The following VPS13D variants were observed in gnomAD, a reference collection of about 807,000 sequenced individuals.
VPS13D encodes intermembrane lipid transfer protein VPS13D.
Under a neutral mutation model 461.9 loss-of-function variants are expected in VPS13D, and 187 were observed. The ratio of observed to expected loss-of-function variants is 0.40; its 90% confidence interval spans 0.36 to 0.46. The LOEUF is 0.46. Ranked by LOEUF, VPS13D falls within the 20% of genes least tolerant of loss-of-function variation. The pLI is 0.60. For synonymous variants in VPS13D, 1,951 were observed against 1,986.3 expected (o/e 0.98, Z 0.47); for missense variants, 4,711 against 5,364.9 (o/e 0.88, Z 3.81).
intron 56 of VPS13D, among the ~76,000 whole-genome samples, chr1:12,378,805 T>C (rs1360270575): frequency 6.6e-6 from 1 of 152,222 alleles, no homozygotes; most frequent in East Asian, 1.9e-4. Context: ...TTAAGAAACT[T>C]CAAACAATAA....
intron 67 of VPS13D, among the ~76,000 whole-genome samples, chr1:12,489,474 A>G (rs561315512): frequency 9.8e-5 from 15 of 152,340 alleles, no homozygotes; most frequent in African/African-American, 2.4e-4. Flanking sequence ...TTCAATGGCA[A>G]TAGTACAACA....
intron 67 of VPS13D, among the ~76,000 whole-genome samples, chr1:12,480,243 C>T (rs1410713351): frequency 1.3e-5 from 2 of 152,216 alleles, no homozygotes; most frequent in Non-Finnish European, 2.9e-5. Context: ...CTGCCAAGAC[C>T]ATCTTCACCA....
At chr1:12,392,210 G>A (rs970373517) in intron 60 of VPS13D, among the ~76,000 whole-genome samples, 1 of 152,028 alleles carries the variant, frequency 6.6e-6, no homozygotes. Context: ...TAAGATCCTT[G>A]GCTGGGCCCG....
At position 12,308,456 on chromosome 1, in the gene VPS13D, C is replaced by T. The variant is rs141867543; in HGVS notation, c.6465C>T (p.Cys2155=). 2.5e-5 allele frequency: 40 copies of T among 1,613,964 alleles called. No individual in the cohort carries two copies. Among genetic ancestry groups the T allele is most frequent in the Middle Eastern group, 1.6e-4 (1 of 6,084 alleles). The change falls in exon 27 of 70, where the codon TGC becomes TGT. Residue 2155 remains cysteine, a synonymous_variant. Coordinates refer to ENST00000620676, the MANE Select transcript of VPS13D (RefSeq NM_015378.4). ...SPEDHVCLLD[C]VVVDLQDMDI... ...AAGACCATGTCTGCCTGCTGGATTGCGTTGTCGTGGATCTCCAGGACATGG... is the reference window on the plus strand; with the variant it reads ...AAGACCATGTCTGCCTGCTGGATTGTGTTGTCGTGGATCTCCAGGACATGG...
rs370242757 is a variant in VPS13D, at chr1:12,322,726, A to G, written c.7895A>G (p.His2632Arg). 5 of 1,614,018 alleles carry G rather than the reference A, an allele frequency of 3.1e-6. No homozygotes were observed. Among genetic ancestry groups the G allele is most frequent in the Middle Eastern group, 1.6e-4 (1 of 6,082 alleles). Reference sequence around the variant, plus strand: ...GAGGAAATCAGAGAAGGGACAAGACACACCTTAGATCCTGTCTTGGGTAGG... The same window carrying G: ...GAGGAAATCAGAGAAGGGACAAGACGCACCTTAGATCCTGTCTTGGGTAGG... ...VGEEIREGTRHTLDPVLELQL... is the reference protein window; with the variant it reads ...VGEEIREGTRRTLDPVLELQL... The change falls in exon 34 of 70, where the codon CAC (histidine) becomes CGC (arginine). Residue 2632 changes from histidine to arginine, a missense_variant. This residue lies in a region of VPS13D where 4,411 missense variants were observed against 4,937.8 expected (regional missense o/e 0.89). Coordinates refer to ENST00000620676, the MANE Select transcript of VPS13D (RefSeq NM_015378.4).
chr1:12,394,041 C>T (rs1250759152), intron 60 of VPS13D, among the ~76,000 whole-genome samples: 1 of 152,150 alleles, frequency 6.6e-6, no homozygotes, highest in Non-Finnish European at 1.5e-5. Context: ...TTTCCCTTTC[C>T]CCAGTGCACA....
intron 44 of VPS13D, 36 bp downstream of exon 44, chr1:12,346,688 G>T: frequency 6.3e-7 from 1 of 1,577,360 alleles, no homozygotes; most frequent in East Asian, 2.2e-5. Flanking sequence ...TGTGTTTATT[G>T]CGTATATACA....
chr1:12,291,506 C>G (rs1642131403), intron 23 of VPS13D, among the ~76,000 whole-genome samples: 1 of 152,140 alleles, frequency 6.6e-6, no homozygotes, highest in African/African-American at 2.4e-5. Flanking sequence ...AACTGTAGTT[C>G]TAGCTACTTG....
At chr1:12,442,113 G>C (rs1395242097) in intron 65 of VPS13D, among the ~76,000 whole-genome samples, 1 of 151,952 alleles carries the variant, frequency 6.6e-6, no homozygotes, top group Admixed American at 6.6e-5. Context: ...ATTTTAATAA[G>C]CTGTGTCCTT....
chr1:12,279,517 A>C lies in VPS13D; in HGVS notation c.4469A>C (p.Asn1490Thr), dbSNP rs750788803. Residue 1490 changes from asparagine (N) to threonine (T), a missense_variant, in exon 20 of 70, where the codon AAC becomes ACC. By Grantham distance (65) the Asn-to-Thr change is moderately conservative (BLOSUM62 0). Coordinates refer to ENST00000620676, the MANE Select transcript of VPS13D (RefSeq NM_015378.4). The surrounding 1 kb of genome is among the most constrained non-coding windows in gnomAD (Gnocchi z 4.3). The stretch of plus-strand genomic sequence containing the variant: ...ATGCCAGCTTTTCACATCCTGAACA[A>C]CACCACCATTCAGTTTAAACTGGAG... ...HRGQAFHILN[N>T]TTIQFKLEKI... is the part of the protein sequence containing the mutation. The C allele has an allele frequency of 7.5e-6, 12 of 1,601,228 alleles. No individual in the cohort carries two copies. The highest frequency in any genetic ancestry group is 1.7e-5 in the Admixed American group (1 of 59,608).
At chr1:12,330,848 G>A (rs1245879649) in intron 37 of VPS13D, among the ~76,000 whole-genome samples, 4 of 152,088 alleles carry the variant, frequency 2.6e-5, no homozygotes, top group Admixed American at 2.6e-4. Flanking sequence ...GATTACAGGC[G>A]TGAGCCACTG....
intron 1 of VPS13D, among the ~76,000 whole-genome samples, chr1:12,231,278 C>T (rs892070456): frequency 1.3e-5 from 2 of 152,240 alleles, no homozygotes; most frequent in Admixed American, 6.5e-5. Flanking sequence ...TCTGGCCAGT[C>T]TGGCGGCCCT....
chr1:12,260,705 C>T lies in VPS13D; in HGVS notation c.1123C>T (p.Arg375Trp), dbSNP rs1361960949. The stretch of plus-strand genomic sequence containing the variant: ...TTCACCCAAACAGGAGGAAATGTGT[C>T]GGATTGAAGAGGAACAGAGCTTTGA... ...LSTDDKEEMC[R>W]IEEEQSFEEL... is the part of the protein sequence containing the mutation. The change falls in exon 11 of 70, where the codon CGG becomes TGG. Residue 375 changes from arginine to tryptophan, a missense_variant. Coordinates refer to ENST00000620676, the MANE Select transcript of VPS13D (RefSeq NM_015378.4). 3.1e-6 allele frequency: 5 copies of T among 1,613,904 alleles called. No individual in the cohort carries two copies. The highest frequency in any genetic ancestry group is 3.3e-4 in the Middle Eastern group (2 of 6,062).
At chr1:12,261,809 A>AT in intron 12 of VPS13D, 92 bp from the exon 13 acceptor site, 6 of 1,089,446 alleles carry the variant, frequency 5.5e-6, no homozygotes, top group Non-Finnish European at 7.7e-6. Context: ...AAATAGTTAA[A>AT]TAACATCATC....
rs1026919358 is a variant in VPS13D, at chr1:12,349,059, C to T, written c.9220+86C>T. The T allele has an allele frequency of 1.1e-4, 174 of 1,607,916 alleles. 2 individuals are homozygous for T. The South Asian group carries it at 1.7e-3, about 16-fold the overall frequency. ...GTCTCTTTTTCCCCAGTGGTATCTT[C>T]CCCAGCAGTCAGTATATATGGTCTG... On this transcript the variant is annotated intron_variant, in intron 45 of 69. Transcript: ENST00000620676.
intron 17 of VPS13D, among the ~76,000 whole-genome samples, chr1:12,271,349 T>A (rs1414323983): frequency 1.3e-5 from 2 of 152,232 alleles, no homozygotes; most frequent in East Asian, 3.8e-4. Flanking sequence ...CTGTGTCTCC[T>A]TGCACCAGGA....
intron 25 of VPS13D, among the ~76,000 whole-genome samples, chr1:12,302,463 T>C (rs1241269982): frequency 1.3e-5 from 2 of 152,222 alleles, no homozygotes; most frequent in African/African-American, 2.4e-5. Context: ...ATTGCCAAGA[T>C]ACTGAAGACA....
intron 49 of VPS13D, 52 bp from the exon 50 acceptor site, chr1:12,358,407 A>G: frequency 6.2e-7 from 1 of 1,604,256 alleles, no homozygotes; most frequent in East Asian, 2.2e-5. Context: ...GAACAGGCAG[A>G]TAAGACTTTC....
At chr1:12,377,407 A>G (rs1445863542) in intron 55 of VPS13D, among the ~76,000 whole-genome samples, 2 of 152,194 alleles carry the variant, frequency 1.3e-5, no homozygotes, top group Non-Finnish European at 2.9e-5. Flanking sequence ...TCTAGCGCAT[A>G]GTAAGTTCTC....
Sources: allele counts gnomAD v4.1 joint callset (sites outside exome capture counted in the v4.1 genomes callset), GRCh38; gene constraint gnomAD v4.1.1; regional missense constraint gnomAD v4.1.1; non-coding constraint Gnocchi (gnomAD v3.1); transcripts MANE v1.5; gene names NCBI Gene and HGNC (gene_info 2026-07-23, HGNC 2026-07-21).